Variants in HEATR5A observed in about 807,000 individuals in gnomAD.
HEATR5A encodes HEAT repeat containing 5A, also known as HEAT repeat-containing protein 5A.
HEATR5A carries 178 observed loss-of-function variants against 218.8 expected under a neutral mutation model. The observed-to-expected ratio is 0.81, with a 90% CI of 0.72 to 0.92. The LOEUF (loss-of-function observed/expected upper bound fraction) is 0.92, where lower values mean the gene tolerates loss of function less well. HEATR5A is among the 40% of genes least tolerant of loss of function. HEATR5A has a pLI of 0.00. For synonymous variants in HEATR5A, 864 were observed against 871.6 expected (o/e 0.99, Z 0.15); for missense variants, 2,420 against 2,418.9 (o/e 1.00, Z -0.01).
intron 13 of HEATR5A, among the ~76,000 whole-genome samples, chr14:31,365,879 G>C (rs993537262): frequency 6.6e-6 from 1 of 151,646 alleles, no homozygotes; most frequent in Middle Eastern, 3.4e-3. Context: ...TGCCCAGGCT[G>C]GTCTGAAACT....
intron 13 of HEATR5A, among the ~76,000 whole-genome samples, chr14:31,370,391 T>C (rs1901994117): frequency 6.6e-6 from 1 of 152,110 alleles, no homozygotes; most frequent in South Asian, 2.1e-4. Context: ...GAAACCGATA[T>C]ACAATTAAAA....
chr14:31,311,242 A>G (rs992759905), intron 28 of HEATR5A, among the ~76,000 whole-genome samples: 3 of 152,238 alleles, frequency 2.0e-5, no homozygotes, highest in Admixed American at 1.3e-4. Context: ...CTGATTAAAA[A>G]TAAGAACCCT....
intron 27 of HEATR5A, among the ~76,000 whole-genome samples, chr14:31,313,973 A>C (rs550477068): frequency 6.6e-6 from 1 of 152,088 alleles, no homozygotes; most frequent in East Asian, 1.9e-4. Context: ...TTTGAGAAGA[A>C]GTCTCACCCT....
Position 31,293,962 on chromosome 14 carries a change from G to A in HEATR5A, c.5762C>T (p.Ala1921Val). The A allele has an allele frequency of 6.2e-7, 1 of 1,607,996 alleles. No homozygotes were observed. Among genetic ancestry groups the A allele is most frequent in the Non-Finnish European group, 8.5e-7 (1 of 1,177,026 alleles). The change falls in exon 35 of 36, where the codon GCT becomes GTT. Residue 1921 changes from alanine (A) to valine (V), a missense_variant. Transcript: ENST00000543095. ...EIDKRKPENT[A>V]ELEIFQEGIK... is the part of the protein sequence containing the mutation. ...GCCTTCTTGGAAGATCTCAAGCTCAGCAGTGTTTTCAGGTTTTCTCTTGTC... is the reference window on the plus strand; with the variant it reads ...GCCTTCTTGGAAGATCTCAAGCTCAACAGTGTTTTCAGGTTTTCTCTTGTC...
At chr14:31,304,453 T>C (rs1899488393) in intron 32 of HEATR5A, among the ~76,000 whole-genome samples, 1 of 152,192 alleles carries the variant, frequency 6.6e-6, no homozygotes, top group Admixed American at 6.5e-5. Flanking sequence ...ATTTCACTCT[T>C]GTTGCCCAGG....
At chr14:31,329,428 T>C (rs1475575171) in intron 22 of HEATR5A, among the ~76,000 whole-genome samples, 1 of 152,160 alleles carries the variant, frequency 6.6e-6, no homozygotes, top group Non-Finnish European at 1.5e-5. Flanking sequence ...TTGTCCCAAA[T>C]GGGAGAAATT....
chr14:31,354,637 C>T (rs553736222), intron 16 of HEATR5A, among the ~76,000 whole-genome samples: 2 of 151,978 alleles, frequency 1.3e-5, no homozygotes, highest in Non-Finnish European at 2.9e-5. Flanking sequence ...ATGATAGGTA[C>T]TAAAAGTTTT....
intron 23 of HEATR5A, among the ~76,000 whole-genome samples, chr14:31,325,610 G>C (rs1017127926): frequency 2.0e-5 from 3 of 151,916 alleles, no homozygotes; most frequent in Non-Finnish European, 4.4e-5. Flanking sequence ...TCGGGCTCAA[G>C]CAATCCTCCC....
At chr14:31,346,231 T>C (rs1316231819) in intron 19 of HEATR5A, among the ~76,000 whole-genome samples, 2 of 152,150 alleles carry the variant, frequency 1.3e-5, no homozygotes, top group African/African-American at 2.4e-5. Flanking sequence ...AGAAAGTATA[T>C]GAATTAATCA....
chr14:31,386,366 G>T, intron 9 of HEATR5A, 54 bp downstream of exon 9: 1 of 1,397,194 alleles, frequency 7.2e-7, no homozygotes, highest in Non-Finnish European at 9.8e-7. Context: ...TTCCTTCCTT[G>T]GAACAAAGTT....
Position 31,347,907 on chromosome 14 carries a change from T to G in HEATR5A, c.2709A>C (p.Lys903Asn). The change falls in exon 19 of 36, where the codon AAA (lysine) becomes AAC (asparagine). Residue 903 changes from lysine (K) to asparagine (N), a missense_variant and splice_region_variant. Coordinates refer to ENST00000543095, the MANE Select transcript of HEATR5A (RefSeq NM_015473.4). ...TAGLAQVSFD[K>N]LKSARDVVTR... ...TAACCACATCCCTTGCTGATTTCAA[T>G]CTGTAAATATAAAAATAAAAATAAA... is the stretch of plus-strand genomic sequence containing the variant. The G allele has an allele frequency of 6.7e-7, 1 of 1,481,836 alleles. No individual in the cohort carries two copies. 91.8% of individuals were successfully genotyped at this position (1,481,836 alleles called of 1,614,324 possible). A position where few individuals can be genotyped will look rare whatever the true frequency, so the allele number is the denominator to read the frequency against.
chr14:31,313,395 A>G (rs907411269), intron 27 of HEATR5A, among the ~76,000 whole-genome samples: 1 of 152,190 alleles, frequency 6.6e-6, no homozygotes, highest in Non-Finnish European at 1.5e-5. Context: ...AATGAGATGC[A>G]TTAGGGATAA....
chr14:31,409,721 C>T (rs1410661065), intron 1 of HEATR5A, among the ~76,000 whole-genome samples: 2 of 152,112 alleles, frequency 1.3e-5, no homozygotes, highest in Non-Finnish European at 2.9e-5. Context: ...ATATTATCAA[C>T]AAGGGTTGGT....
At chr14:31,402,257 G>A (rs1015998965) in intron 2 of HEATR5A, among the ~76,000 whole-genome samples, 2 of 152,152 alleles carry the variant, frequency 1.3e-5, no homozygotes, top group Non-Finnish European at 2.9e-5. Context: ...GTGAAAAAAT[G>A]TTCTTATTTT....
chr14:31,406,957 A>T (rs932020895), intron 1 of HEATR5A, among the ~76,000 whole-genome samples: 7 of 127,616 alleles, frequency 5.5e-5, no homozygotes, highest in Non-Finnish European at 1.1e-4. Flanking sequence ...AGCCTGTGTG[A>T]CAAGAGTGAA....
At chr14:31,401,858 G>A (rs1159403072) in intron 2 of HEATR5A, among the ~76,000 whole-genome samples, 2 of 152,068 alleles carry the variant, frequency 1.3e-5, no homozygotes, top group Admixed American at 6.6e-5. Flanking sequence ...GCAAGCTTAC[G>A]TATATAAATG....
intron 33 of HEATR5A, among the ~76,000 whole-genome samples, chr14:31,298,314 C>CA (rs1480216960): frequency 6.6e-6 from 1 of 152,168 alleles, no homozygotes; most frequent in African/African-American, 2.4e-5. Context: ...CTGTCATGAC[C>CA]AACTCCTTAA....
At position 31,302,528 on chromosome 14, in the gene HEATR5A, T is replaced by A; in HGVS notation, c.5240-9A>T. On this transcript the variant is annotated splice_polypyrimidine_tract_variant and intron_variant, in intron 32 of 35. Coordinates refer to ENST00000543095, the MANE Select transcript of HEATR5A (RefSeq NM_015473.4). ...GAGAATTGAGATGCTTCCTGTAAGA[T>A]ACATTTTTTAAAAACACACTGGATT... 6.5e-7 allele frequency: 1 copy of A among 1,534,044 alleles called. No homozygotes were observed. The highest frequency in any genetic ancestry group is 8.9e-7 in the Non-Finnish European group (1 of 1,128,930).
intron 32 of HEATR5A, 176 bp from the exon 33 acceptor site, chr14:31,302,695 G>T: frequency 1.8e-6 from 1 of 562,244 alleles, no homozygotes; most frequent in South Asian, 2.4e-5. Flanking sequence ...TTTTATGGAT[G>T]GATTAAATCT....
Sources: gnomAD v4.1 joint callset for allele counts (sites outside exome capture counted in the v4.1 genomes callset) on GRCh38, gnomAD v4.1.1 for gene constraint, MANE v1.5 for transcripts, NCBI Gene and HGNC (gene_info 2026-07-23, HGNC 2026-07-21) for gene names.